The following NAV2 variants were observed in gnomAD, a reference collection of about 807,000 sequenced individuals.
NAV2 encodes helicase, APC down-regulated 1.
Under a neutral mutation model 223.2 loss-of-function variants are expected in NAV2, and 54 were observed. The ratio of observed to expected loss-of-function variants is 0.24; its 90% CI spans 0.19 to 0.30. NAV2 has a LOEUF of 0.30. Ranked by LOEUF, NAV2 falls within the 10% of genes least tolerant of loss-of-function variation. NAV2 has a pLI of 1.00. For missense variants in NAV2, 2,806 were observed against 3,147.5 expected (o/e 0.89, Z 2.60); for synonymous variants, 1,279 against 1,239.3 (o/e 1.03, Z -0.67).
intron 1 of NAV2, among the ~76,000 whole-genome samples, chr11:19,386,954 G>T (rs1056638332): frequency 6.6e-6 from 1 of 152,144 alleles, no homozygotes; most frequent in African/African-American, 2.4e-5. Flanking sequence ...TGGGATGGGT[G>T]CTGGGAGCTG....
intron 1 of NAV2, among the ~76,000 whole-genome samples, chr11:19,424,085 A>G (rs1389824450): frequency 6.6e-6 from 1 of 152,044 alleles, no homozygotes; most frequent in Non-Finnish European, 1.5e-5. Flanking sequence ...TTAGAATTTT[A>G]GCTATTCTTT....
intron 3 of NAV2, among the ~76,000 whole-genome samples, chr11:19,862,745 A>C (rs576392848): frequency 1.3e-5 from 2 of 152,252 alleles, no homozygotes; most frequent in Middle Eastern, 3.4e-3. Context: ...TGAGGTTGCT[A>C]GGCCCCCAAC....
At chr11:20,029,082 C>T (rs1377246811) in intron 11 of NAV2, among the ~76,000 whole-genome samples, 1 of 152,230 alleles carries the variant, frequency 6.6e-6, no homozygotes, top group Non-Finnish European at 1.5e-5. Flanking sequence ...ACCTGTTCGG[C>T]AGCTTTTACT....
At chr11:19,449,162 C>A (rs528770125) in intron 1 of NAV2, among the ~76,000 whole-genome samples, 73 of 152,246 alleles carry the variant, frequency 4.8e-4, no homozygotes, top group African/African-American at 1.7e-3. Context: ...AACCTGGCCT[C>A]CAGTTTGGGG....
At chr11:19,917,572 T>G (rs1360748738) in intron 6 of NAV2, among the ~76,000 whole-genome samples, 1 of 152,160 alleles carries the variant, frequency 6.6e-6, no homozygotes, top group Non-Finnish European at 1.5e-5. Context: ...TATCCCCCTC[T>G]CATCTCACAT....
chr11:19,900,193 G>C (rs2042328088), intron 6 of NAV2, among the ~76,000 whole-genome samples: 1 of 152,204 alleles, frequency 6.6e-6, no homozygotes, highest in South Asian at 2.1e-4. Context: ...TCAGTGACCA[G>C]TTAGACCACC....
At position 20,103,379 on chromosome 11, in the gene NAV2, A is replaced by G. The variant is rs1197713299; in HGVS notation, c.6542A>G (p.Asn2181Ser). The change falls in exon 33 of 38, where the codon AAT becomes AGT. Residue 2181 changes from asparagine to serine, a missense_variant. Transcript: ENST00000349880. ...GTGAGCTCTCTGGGAGAGATCTTCA[A>G]TGGGCTGCTCAACTGCAAGTACCAC... is the stretch of plus-strand genomic sequence containing the variant. Reference protein sequence around the residue: ...HHVSSLGEIFNGLLNCKYHKC... With the variant: ...HHVSSLGEIFSGLLNCKYHKC... 2.5e-6 allele frequency: 4 copies of G among 1,613,940 alleles called. No homozygotes were observed. The highest frequency in any genetic ancestry group is 2.7e-5 in the African/African-American group (2 of 74,896).
chr11:19,674,448 G>A (rs1024371188), intron 1 of NAV2, among the ~76,000 whole-genome samples: 13 of 152,130 alleles, frequency 8.5e-5, no homozygotes, highest in African/African-American at 1.2e-4. Flanking sequence ...TATAAGCAAC[G>A]AGCCCCAAAG....
At chr11:19,575,589 C>A (rs1296716797) in intron 1 of NAV2, among the ~76,000 whole-genome samples, 1 of 152,204 alleles carries the variant, frequency 6.6e-6, no homozygotes, top group Non-Finnish European at 1.5e-5. Flanking sequence ...CAGATTCTAC[C>A]CCCCTATGCA....
At chr11:19,956,218 G>A (rs1290126590) in intron 10 of NAV2, among the ~76,000 whole-genome samples, 2 of 151,900 alleles carry the variant, frequency 1.3e-5, no homozygotes, top group African/African-American at 2.4e-5. Flanking sequence ...CTAAATATGT[G>A]GGTTGCTTTC....
At position 19,919,917 on chromosome 11, in the gene NAV2, C is replaced by T. The variant is rs185447210; in HGVS notation, c.932-13259C>T. On this transcript the variant is annotated intron_variant, in intron 6 of 37. Coordinates refer to ENST00000349880, the MANE Select transcript of NAV2 (RefSeq NM_145117.5). ...GGGAGGCCAAGACAGGAGGATTACT[C>T]GAGCCCAGGGGTTCGAGACCAGCCT... Among the ~76,000 whole-genome samples the T allele has an allele frequency of 3.7e-4, 57 of 152,124 alleles. No individual in the cohort carries two copies. In the East Asian group the frequency reaches 3.9e-3, roughly 10 times the overall value.
chr11:19,535,086 C>T (rs979982262), intron 1 of NAV2, among the ~76,000 whole-genome samples: 3 of 152,032 alleles, frequency 2.0e-5, no homozygotes, highest in Non-Finnish European at 4.4e-5. Context: ...AGAGATTTTC[C>T]AAGCAAATGA....
intron 1 of NAV2, among the ~76,000 whole-genome samples, chr11:19,495,863 GATAAGGTGATGT>G (rs1307686653): frequency 1.3e-5 from 2 of 152,168 alleles, no homozygotes; most frequent in African/African-American, 4.8e-5. Context: ...CCACTTCTCT[GATAAGGTGATGT>G]ATAAGCAGAT....
intron 2 of NAV2, among the ~76,000 whole-genome samples, chr11:19,839,091 G>C (rs909186304): frequency 1.3e-5 from 2 of 152,164 alleles, no homozygotes; most frequent in African/African-American, 2.4e-5. Context: ...TCCTTTGGTG[G>C]CTAAGGTTGG....
In NAV2 at chr11:20,106,175, A is replaced by ATATATATGTGTGTGTGTGTGTGTGTG. The variant is rs11267537; in HGVS notation, c.6841+449_6841+450insATATATGTGTGTGTGTGTGTGTGTGT. Among the ~76,000 whole-genome samples the ATATATATGTGTGTGTGTGTGTGTGTG allele has an allele frequency of 9.8e-4, 35 of 35,818 alleles. 6 individuals carry two copies. The highest frequency in any genetic ancestry group is 1.9e-3 in the African/African-American group (19 of 10,090). 23.5% of individuals were successfully genotyped at this position (35,818 alleles called of 152,430 possible). Reference sequence around the variant, plus strand: ...TGTGTGTATATATATATATATATATATGTGTGTGTATATATATATATATAT... The same window carrying ATATATATGTGTGTGTGTGTGTGTGTG: ...TGTGTGTATATATATATATATATATATATATATGTGTGTGTGTGTGTGTGTGTGTGTGTGTATATATATATATATAT... On this transcript the variant is annotated intron_variant, in intron 35 of 37. Transcript: ENST00000349880.
At chr11:19,561,318 G>A (rs564879327) in intron 1 of NAV2, among the ~76,000 whole-genome samples, 5 of 152,192 alleles carry the variant, frequency 3.3e-5, no homozygotes, top group East Asian at 1.9e-4. Context: ...AACCAGTCAC[G>A]GAGAGTCGGG....
At chr11:19,716,803 A>T (rs78830394) in intron 1 of NAV2, among the ~76,000 whole-genome samples, 234 of 152,364 alleles carry the variant, frequency 1.5e-3, no homozygotes, top group African/African-American at 5.3e-3. Flanking sequence ...AATAATGGCC[A>T]AATCCTTATA....
intron 1 of NAV2, among the ~76,000 whole-genome samples, chr11:19,409,096 CT>C (rs34201375): frequency 9.2e-5 from 14 of 152,160 alleles, no homozygotes; most frequent in Admixed American, 4.6e-4. Context: ...AATCACATGT[CT>C]TTTTTTTCCC....
chr11:20,037,641 C>T (rs1402489136), intron 12 of NAV2, among the ~76,000 whole-genome samples: 2 of 152,092 alleles, frequency 1.3e-5, no homozygotes, highest in Non-Finnish European at 2.9e-5. Flanking sequence ...TGAGCAGTGG[C>T]TATGTAAGTA....
Sources: allele counts gnomAD v4.1 joint callset (sites outside exome capture counted in the v4.1 genomes callset), GRCh38; gene constraint gnomAD v4.1.1; transcripts MANE v1.5; gene names NCBI Gene and HGNC (gene_info 2026-07-23, HGNC 2026-07-21).